The following TXK variants were observed in gnomAD, a reference collection of about 807,000 sequenced individuals.
TXK encodes the protein TXK tyrosine kinase.
Under a neutral mutation model 81.0 loss-of-function variants are expected in TXK, and 60 were observed. The ratio of observed to expected loss-of-function variants is 0.74; its 90% CI spans 0.60 to 0.92. The LOEUF is 0.92. Among genes scored for constraint, TXK ranks in the 40% least tolerant of loss-of-function variants. The pLI is 0.00. For synonymous variants in TXK, 203 were observed against 210.7 expected, an observed-to-expected ratio of 0.96 and a Z score of 0.32; for missense variants, 581 against 638.3, an observed-to-expected ratio of 0.91 and a Z score of 0.97.
chr4:48,097,770 CG>C (rs1189252489), intron 6 of TXK, among the ~76,000 whole-genome samples: 3 of 117,340 alleles, frequency 2.6e-5, no homozygotes, highest in Non-Finnish European at 5.2e-5. Flanking sequence ...TTTTTTGAGA[CG>C]GGGTCTCGCG....
intron 1 of TXK, among the ~76,000 whole-genome samples, chr4:48,116,533 G>C (rs1288009308): frequency 6.6e-6 from 1 of 152,176 alleles, no homozygotes; most frequent in Non-Finnish European, 1.5e-5. Context: ...CCAGAGCTGA[G>C]CCATCACCAC....
chr4:48,101,889 C>T (rs1718207256), intron 6 of TXK, among the ~76,000 whole-genome samples: 1 of 151,688 alleles, frequency 6.6e-6, no homozygotes, highest in South Asian at 2.1e-4. Flanking sequence ...ATATAAAGTT[C>T]TCCTAAAAGC....
At chr4:48,094,352 C>T in intron 7 of TXK, 148 bp from the exon 8 acceptor site, 1 of 864,192 alleles carries the variant, frequency 1.2e-6, no homozygotes, top group Non-Finnish European at 1.7e-6. Context: ...CAAGTGCCCC[C>T]CCATGCCAAG....
chr4:48,068,669 G>A (rs1716702369), intron 14 of TXK, among the ~76,000 whole-genome samples: 1 of 152,194 alleles, frequency 6.6e-6, no homozygotes, highest in African/African-American at 2.4e-5. Flanking sequence ...CTTCACTTAG[G>A]GGTGTGGTTT....
Position 48,108,867 on chromosome 4 carries a change from G to T in TXK, c.446+1671C>A, listed in dbSNP as rs561925662. 8.7e-4 allele frequency among the ~76,000 whole-genome samples: 132 copies of T among 152,242 alleles called. 1 individual carries two copies. The South Asian group carries it at 0.014, about 16-fold the overall frequency. ...GCCTTGTCTAAACAGGGTAATCAAT[G>T]AGCAAATTAATGAATAATGAAAGGG... On this transcript the variant is annotated intron_variant, in intron 5 of 14. Coordinates refer to ENST00000264316, the MANE Select transcript of TXK (RefSeq NM_003328.3).
chr4:48,106,394 T>C (rs953279197), intron 5 of TXK, among the ~76,000 whole-genome samples: 6 of 151,976 alleles, frequency 3.9e-5, no homozygotes, highest in African/African-American at 1.2e-4. Flanking sequence ...AAGGGTTTTT[T>C]TTTTTTAATA....
intron 8 of TXK, among the ~76,000 whole-genome samples, chr4:48,093,053 G>C (rs990065392): frequency 1.3e-5 from 2 of 152,010 alleles, no homozygotes; most frequent in Admixed American, 1.3e-4. Context: ...TTTTTCTTTG[G>C]AGGAAGGAGA....
At chr4:48,080,373 G>T (rs1464378788) in intron 10 of TXK, among the ~76,000 whole-genome samples, 1 of 152,102 alleles carries the variant, frequency 6.6e-6, no homozygotes, top group Non-Finnish European at 1.5e-5. Flanking sequence ...TATTCTACGC[G>T]TAAGCATTTT....
chr4:48,124,776 A>G (rs1211795879), intron 1 of TXK, among the ~76,000 whole-genome samples: 4 of 152,232 alleles, frequency 2.6e-5, no homozygotes, highest in Non-Finnish European at 5.9e-5. Flanking sequence ...AAAATAAAGT[A>G]CCAAACCATG....
chr4:48,121,109 T>G (rs1387252358), intron 1 of TXK, among the ~76,000 whole-genome samples: 1 of 152,206 alleles, frequency 6.6e-6, no homozygotes, highest in Admixed American at 6.5e-5. Context: ...TCTTATTCAC[T>G]CTTTTGATTA....
At chr4:48,085,797 A>G (rs1717503968) in intron 10 of TXK, among the ~76,000 whole-genome samples, 1 of 152,082 alleles carries the variant, frequency 6.6e-6, no homozygotes, top group South Asian at 2.1e-4. Context: ...AGGGAAGATC[A>G]TCTTCCCACT....
At chr4:48,094,362 G>A (rs1717899714) in intron 7 of TXK, among the ~76,000 whole-genome samples, 158 bp from the exon 8 acceptor site, 1 of 152,196 alleles carries the variant, frequency 6.6e-6, no homozygotes, top group Non-Finnish European at 1.5e-5. Flanking sequence ...CCCATGCCAA[G>A]AAAATTCCTC....
At position 48,081,751 on chromosome 4, in the gene TXK, T is replaced by G. The variant is rs80252547; in HGVS notation, c.957-1623A>C. On this transcript the variant is annotated intron_variant, in intron 10 of 14. Coordinates refer to ENST00000264316, the MANE Select transcript of TXK (RefSeq NM_003328.3). ...AGACTCATATATTTACCTCAACACT[T>G]GATCACACCTAATAAATAACAGGCT... 3.3e-4 allele frequency among the ~76,000 whole-genome samples: 50 copies of G among 152,236 alleles called. No homozygotes were observed. The East Asian group carries it at 9.1e-3, about 28-fold the overall frequency.
chr4:48,112,767 A>C (rs1718676808), intron 3 of TXK, among the ~76,000 whole-genome samples: 1 of 152,138 alleles, frequency 6.6e-6, no homozygotes, highest in Non-Finnish European at 1.5e-5. Context: ...TTTTCATATC[A>C]AAATTTTCAA....
chr4:48,072,104 A>G (rs1285707909), intron 13 of TXK, among the ~76,000 whole-genome samples: 2 of 151,896 alleles, frequency 1.3e-5, no homozygotes. Flanking sequence ...CCCGGGTTCA[A>G]GCAATTCTTC....
intron 1 of TXK, among the ~76,000 whole-genome samples, chr4:48,121,275 G>A (rs1718953973): frequency 6.6e-6 from 1 of 152,190 alleles, no homozygotes; most frequent in East Asian, 1.9e-4. Context: ...GTAAACAGGA[G>A]ATGAAATCTG....
Position 48,067,720 on chromosome 4 carries a change from T to C in TXK, c.1516-15A>G. On this transcript the variant is annotated splice_polypyrimidine_tract_variant and intron_variant, in intron 14 of 14. Transcript: ENST00000264316. Reference sequence around the variant, plus strand: ...CCTTCAGGTTTCTGGAAAAGGGAAGTGGGGGTGGTTAGCTCAGCTTAACCA... The same window carrying C: ...CCTTCAGGTTTCTGGAAAAGGGAAGCGGGGGTGGTTAGCTCAGCTTAACCA... 1.2e-6 allele frequency: 2 copies of C among 1,612,810 alleles called. No individual in the cohort carries two copies. The highest frequency in any genetic ancestry group is 1.7e-6 in the Non-Finnish European group (2 of 1,178,992).
intron 1 of TXK, among the ~76,000 whole-genome samples, chr4:48,126,023 GAAT>G (rs1719080752): frequency 6.6e-6 from 1 of 152,222 alleles, no homozygotes; most frequent in African/African-American, 2.4e-5. Context: ...GAAACATCCA[GAAT>G]AATGTTTGAT....
At chr4:48,076,542 G>A in intron 11 of TXK, 76 bp from the exon 12 acceptor site, 1 of 1,292,238 alleles carries the variant, frequency 7.7e-7, no homozygotes, top group Non-Finnish European at 1.1e-6. Context: ...TTTTCCTTAG[G>A]TTATTTGGAC....
Sources: allele counts gnomAD v4.1 joint callset (sites outside exome capture counted in the v4.1 genomes callset), GRCh38; gene constraint gnomAD v4.1.1; transcripts MANE v1.5; gene names NCBI Gene and HGNC (gene_info 2026-07-23, HGNC 2026-07-21).